The following NRG1 variants were observed in gnomAD, a reference collection of about 807,000 sequenced individuals.
NRG1 encodes neuregulin 1.
A neutral mutation model predicts 63.8 loss-of-function variants in NRG1; 18 were observed. The ratio of observed to expected loss-of-function variants is 0.28; its 90% CI spans 0.19 to 0.42. The LOEUF is 0.42. Among genes scored for constraint, NRG1 ranks in the 10% least tolerant of loss-of-function variants. NRG1 has a pLI of 1.00. For synonymous variants in NRG1, 302 were observed against 301.3 expected (o/e 1.00, Z -0.02); for missense variants, 762 against 814.7 (o/e 0.94, Z 0.79).
chr8:32,523,258 A>G (rs545523242), intron 1 of NRG1, among the ~76,000 whole-genome samples: 1 of 152,302 alleles, frequency 6.6e-6, no homozygotes, highest in Admixed American at 6.5e-5. Context: ...CCAAAACAAC[A>G]TATTGCAACA....
Position 31,852,366 on chromosome 8 carries a change from T to C in NRG1, c.37+212935T>C, listed in dbSNP as rs1304694968. ...GCATTTCTCTGATGGCCAGTGATGG[T>C]GAGCATTTTTTCATGTGTTTTTTGG... On this transcript the variant is annotated intron_variant, in intron 1 of 10. Transcript: ENST00000519301. 9.9e-5 allele frequency among the ~76,000 whole-genome samples: 15 copies of C among 151,982 alleles called. No individual in the cohort carries two copies. The South Asian group carries it at 1.0e-3, about 11-fold the overall frequency.
chr8:32,375,430 G>A (rs1425691547), intron 1 of NRG1, among the ~76,000 whole-genome samples: 3 of 152,140 alleles, frequency 2.0e-5, no homozygotes, highest in Non-Finnish European at 4.4e-5. Flanking sequence ...CTTGTCAGTT[G>A]TATATTTGAT....
chr8:31,734,321 T>C (rs1423153527), intron 1 of NRG1, among the ~76,000 whole-genome samples: 5 of 152,154 alleles, frequency 3.3e-5, no homozygotes, highest in Non-Finnish European at 7.4e-5. Context: ...GTAAGACCTT[T>C]TCTTACAAAA....
chr8:31,732,295 T>C (rs1814167908), intron 1 of NRG1, among the ~76,000 whole-genome samples: 1 of 152,164 alleles, frequency 6.6e-6, no homozygotes, highest in African/African-American at 2.4e-5. Flanking sequence ...AAAACTCTGG[T>C]TTGGATACTT....
chr8:32,118,012 C>G (rs1372142941), intron 1 of NRG1, among the ~76,000 whole-genome samples: 1 of 152,106 alleles, frequency 6.6e-6, no homozygotes, highest in Non-Finnish European at 1.5e-5. Context: ...TCATTTTACC[C>G]TATTACTCAA....
intron 5 of NRG1, among the ~76,000 whole-genome samples, chr8:32,693,726 C>T (rs1812495910): frequency 6.6e-6 from 1 of 152,082 alleles, no homozygotes; most frequent in Non-Finnish European, 1.5e-5. Context: ...AGAAAATGTA[C>T]TTTAATGTGT....
chr8:32,685,801 A>C (rs1330969707), intron 5 of NRG1, among the ~76,000 whole-genome samples: 1 of 152,214 alleles, frequency 6.6e-6, no homozygotes, highest in Non-Finnish European at 1.5e-5. Context: ...GATTTGAGAG[A>C]AAGGAGATCT....
intron 1 of NRG1, among the ~76,000 whole-genome samples, chr8:32,489,612 G>C (rs1341513718): frequency 2.6e-5 from 4 of 152,100 alleles, no homozygotes; most frequent in African/African-American, 9.7e-5. Flanking sequence ...GAAGGACCCA[G>C]AGTTTGTGAG....
chr8:32,131,787 A>G (rs1245120921), intron 1 of NRG1, among the ~76,000 whole-genome samples: 3 of 152,024 alleles, frequency 2.0e-5, no homozygotes, highest in Admixed American at 1.3e-4. Context: ...ATCCTGTGTG[A>G]TAGGAGTAGT....
chr8:32,012,495 G>A (rs902157309), intron 1 of NRG1, among the ~76,000 whole-genome samples: 1 of 152,122 alleles, frequency 6.6e-6, no homozygotes, highest in Admixed American at 6.6e-5. Flanking sequence ...TGCTTTACAA[G>A]AATGGCAGCT....
chr8:31,927,649 C>T (rs564706897), intron 1 of NRG1, among the ~76,000 whole-genome samples: 2 of 148,372 alleles, frequency 1.3e-5, no homozygotes, highest in African/African-American at 2.5e-5. Context: ...GGGGTTTCAC[C>T]GTTTTAGCCG....
intron 5 of NRG1, among the ~76,000 whole-genome samples, chr8:32,707,269 G>A (rs1430232252): frequency 6.6e-6 from 1 of 151,982 alleles, no homozygotes; most frequent in Non-Finnish European, 1.5e-5. Context: ...CACCTTAGTA[G>A]TTGTAACAAT....
rs557899457 is a variant in NRG1 at position 32,586,062 on chromosome 8, C to T, written c.101-9766C>T. The stretch of plus-strand genomic sequence containing the variant: ...CTGGAGTTATCATAAAACTTAAAAA[C>T]GTTAATGAGCATAAAGCTCTTAGAA... On this transcript the variant is annotated intron_variant, in intron 1 of 11. Coordinates refer to ENST00000356819, the Ensembl canonical transcript of NRG1. 1.1e-4 allele frequency among the ~76,000 whole-genome samples: 17 copies of T among 151,894 alleles called. No homozygotes were observed. The East Asian group carries it at 1.5e-3, about 14-fold the overall frequency.
chr8:32,272,104 C>A (rs527292857), intron 1 of NRG1, among the ~76,000 whole-genome samples: 1 of 152,234 alleles, frequency 6.6e-6, no homozygotes, highest in Admixed American at 6.5e-5. Context: ...TAGGGACTAT[C>A]TTATTCAGCT....
chr8:32,392,475 G>T (rs747439649), intron 1 of NRG1, among the ~76,000 whole-genome samples: 2 of 151,900 alleles, frequency 1.3e-5, no homozygotes, highest in African/African-American at 4.8e-5. Flanking sequence ...CCCTTTTTTC[G>T]CATCTCCATG....
chr8:32,487,385 G>A (rs2129494193), intron 1 of NRG1, among the ~76,000 whole-genome samples: 1 of 151,912 alleles, frequency 6.6e-6, no homozygotes, highest in South Asian at 2.1e-4. Flanking sequence ...TACAGAGAGA[G>A]AAACTGATCA....
At chr8:32,647,360 G>A in intron 5 of NRG1, 1 of 985,364 alleles carries the variant, frequency 1.0e-6, no homozygotes, top group Non-Finnish European at 1.2e-6. Context: ...TGAGAAACAT[G>A]CCTTTCAGTT....
intron 1 of NRG1, among the ~76,000 whole-genome samples, chr8:32,537,018 A>C (rs1832056003): frequency 6.7e-6 from 1 of 149,278 alleles, no homozygotes; most frequent in African/African-American, 2.5e-5. Context: ...CAGCCTGGCC[A>C]ACATGGTGAA....
intron 7 of NRG1, among the ~76,000 whole-genome samples, chr8:32,752,092 C>G (rs1247700612): frequency 1.3e-5 from 2 of 152,268 alleles, no homozygotes; most frequent in African/African-American, 4.8e-5. Flanking sequence ...AGAGGACAAT[C>G]ATACAGGGCC....
Sources: gnomAD v4.1 joint callset for allele counts (sites outside exome capture counted in the v4.1 genomes callset) on GRCh38, gnomAD v4.1.1 for gene constraint, MANE v1.5 for transcripts, NCBI Gene and HGNC (gene_info 2026-07-23, HGNC 2026-07-21) for gene names.